The following FHIT variants were observed in gnomAD, a reference collection of about 807,000 sequenced individuals.
FHIT encodes the protein fragile histidine triad diadenosine triphosphatase, also known as bis(5'-adenosyl)-triphosphatase.
In FHIT, 19 loss-of-function variants were observed where a neutral mutation model predicts 17.9. The observed-to-expected ratio is 1.06, with a 90% CI of 0.74 to 1.56. The LOEUF is 1.56. Ranked by LOEUF, FHIT falls within the 40% of genes most tolerant of loss-of-function variation. The pLI is 0.00. For synonymous variants in FHIT, 81 were observed against 69.7 expected (o/e 1.16, Z -0.81); for missense variants, 248 against 189.2 (o/e 1.31, Z -1.82).
chr3:60,373,261 G>A (rs1361540675), intron 5 of FHIT, among the ~76,000 whole-genome samples: 1 of 152,172 alleles, frequency 6.6e-6, no homozygotes, highest in African/African-American at 2.4e-5. Flanking sequence ...TGGGTGGGGA[G>A]GCTGGGTAAG....
chr3:60,603,538 T>G (rs564792228), intron 4 of FHIT, among the ~76,000 whole-genome samples: 1 of 152,202 alleles, frequency 6.6e-6, no homozygotes, highest in South Asian at 2.1e-4. Flanking sequence ...TTGTGTTGCT[T>G]TCTTCTGTAT....
intron 5 of FHIT, among the ~76,000 whole-genome samples, chr3:60,090,040 C>A (rs957459760): frequency 1.3e-5 from 2 of 152,100 alleles, no homozygotes; most frequent in South Asian, 2.1e-4. Context: ...TATATGAATT[C>A]TTAATTCCTA....
At chr3:60,127,538 G>T (rs537988732) in intron 5 of FHIT, among the ~76,000 whole-genome samples, 2 of 152,148 alleles carry the variant, frequency 1.3e-5, no homozygotes, top group South Asian at 4.2e-4. Flanking sequence ...TACATACTAA[G>T]TTACTCTCCA....
At chr3:60,646,026 C>T (rs1340074129) in intron 4 of FHIT, among the ~76,000 whole-genome samples, 1 of 152,192 alleles carries the variant, frequency 6.6e-6, no homozygotes, top group Non-Finnish European at 1.5e-5. Context: ...TGGTGACATT[C>T]CTGATAGTGC....
intron 5 of FHIT, among the ~76,000 whole-genome samples, chr3:60,485,310 C>A (rs1012292484): frequency 2.0e-5 from 3 of 152,142 alleles, no homozygotes; most frequent in African/African-American, 7.2e-5. Flanking sequence ...CAGGTATATG[C>A]CCAAAAGAAT....
chr3:60,242,236 G>A (rs1015694071), intron 5 of FHIT, among the ~76,000 whole-genome samples: 1 of 152,040 alleles, frequency 6.6e-6, no homozygotes, highest in Non-Finnish European at 1.5e-5. Flanking sequence ...ATTTTTATCT[G>A]TAGCTGTATA....
chr3:60,034,031 G>A (rs544545466), intron 5 of FHIT, among the ~76,000 whole-genome samples: 2 of 152,286 alleles, frequency 1.3e-5, no homozygotes, highest in Admixed American at 6.5e-5. Context: ...AATAACAGCA[G>A]TGACTTACAT....
intron 5 of FHIT, among the ~76,000 whole-genome samples, chr3:60,526,131 A>AAC (rs1410415361): frequency 4.4e-5 from 3 of 68,172 alleles, no homozygotes; most frequent in South Asian, 1.1e-3. Flanking sequence ...TGAAACACAC[A>AAC]ACACATACAC....
intron 2 of FHIT, among the ~76,000 whole-genome samples, chr3:61,062,074 A>T (rs1386404863): frequency 2.0e-5 from 3 of 152,046 alleles, no homozygotes; most frequent in Non-Finnish European, 4.4e-5. Flanking sequence ...ACTATATTGA[A>T]CCTCTTTAGC....
chr3:61,201,957 T>C (rs1015107393), intron 1 of FHIT, among the ~76,000 whole-genome samples: 1 of 149,706 alleles, frequency 6.7e-6, no homozygotes, highest in African/African-American at 2.6e-5. Flanking sequence ...TATGTGTGTA[T>C]ATATATGTGT....
chr3:61,069,015 A>G (rs1056836552), intron 2 of FHIT, among the ~76,000 whole-genome samples: 4 of 152,208 alleles, frequency 2.6e-5, no homozygotes, highest in Admixed American at 2.6e-4. Context: ...GGTTGAGAGA[A>G]AGAGGGAGAA....
chr3:59,881,369 G>C (rs553064052), intron 8 of FHIT, among the ~76,000 whole-genome samples: 13 of 152,240 alleles, frequency 8.5e-5, no homozygotes, highest in African/African-American at 3.1e-4. Context: ...GAATAAAAAT[G>C]TCTTTTAAGA....
chr3:61,241,935 A>G (rs2040383113), intron 1 of FHIT, among the ~76,000 whole-genome samples: 1 of 152,078 alleles, frequency 6.6e-6, no homozygotes, highest in South Asian at 2.1e-4. Context: ...TCTTTTTCCC[A>G]CCCTTTCTCT....
chr3:60,692,038 C>A (rs1274488669), intron 4 of FHIT, among the ~76,000 whole-genome samples: 1 of 152,166 alleles, frequency 6.6e-6, no homozygotes, highest in East Asian at 1.9e-4. Context: ...AAACATAAAT[C>A]TCTTACAGCT....
intron 4 of FHIT, among the ~76,000 whole-genome samples, chr3:60,811,931 A>G (rs536501770): frequency 4.5e-4 from 69 of 152,234 alleles, no homozygotes; most frequent in African/African-American, 1.5e-3. Flanking sequence ...TGAAATGTTG[A>G]CTCTAAGAAA....
At chr3:60,304,902 A>G (rs560113246) in intron 5 of FHIT, among the ~76,000 whole-genome samples, 58 of 152,284 alleles carry the variant, frequency 3.8e-4, no homozygotes, top group African/African-American at 1.3e-3. Context: ...CTAATCTACT[A>G]TAAAAATAAA....
intron 2 of FHIT, among the ~76,000 whole-genome samples, chr3:61,084,251 C>T (rs1244496780): frequency 6.6e-6 from 1 of 152,202 alleles, no homozygotes; most frequent in African/African-American, 2.4e-5. Context: ...CTGTACACTC[C>T]ATTCTGTTCC....
chr3:61,121,676 G>A (rs1049515335), intron 2 of FHIT, among the ~76,000 whole-genome samples: 13 of 152,110 alleles, frequency 8.5e-5, no homozygotes, highest in African/African-American at 2.9e-4. Flanking sequence ...TGAAGAATCC[G>A]CATCAACTAA....
chr3:60,407,023 A>G (rs897875914), intron 5 of FHIT, among the ~76,000 whole-genome samples: 2 of 139,768 alleles, frequency 1.4e-5, no homozygotes, highest in African/African-American at 2.8e-5. Context: ...TCATTCTCCT[A>G]TATCCTTTAG....
Sources: allele counts gnomAD v4.1 joint callset (sites outside exome capture counted in the v4.1 genomes callset), GRCh38; gene constraint gnomAD v4.1.1; transcripts MANE v1.5; gene names NCBI Gene and HGNC (gene_info 2026-07-23, HGNC 2026-07-21).